The following RYR1 variants were observed in gnomAD, a reference collection of about 807,000 sequenced individuals.
RYR1 encodes ryanodine receptor 1.
Under a neutral mutation model 583.5 loss-of-function variants are expected in RYR1, and 342 were observed. That is an observed-to-expected ratio of 0.59 (90% CI 0.54 to 0.64). The LOEUF (loss-of-function observed/expected upper bound fraction) is 0.64, where lower values mean the gene tolerates loss of function less well. Among genes scored for constraint, RYR1 ranks in the 30% least tolerant of loss-of-function variants. The pLI, the probability that RYR1 is intolerant of heterozygous loss-of-function variation, is 0.00. For synonymous variants in RYR1, 2,791 were observed against 2,822.5 expected, an observed-to-expected ratio of 0.99 and a Z score of 0.35; for missense variants, 6,032 against 6,917.2, an observed-to-expected ratio of 0.87 and a Z score of 4.54.
intron 16 of RYR1, 31 bp downstream of exon 16, chr19:38,455,782 C>T: frequency 7.5e-7 from 1 of 1,338,294 alleles, no homozygotes; most frequent in South Asian, 1.2e-5. Flanking sequence ...CTCTCATCCC[C>T]TGAACTCTGA....
chr19:38,475,297 C>A (rs182909318), intron 28 of RYR1, 21 bp from the exon 29 acceptor site: 1 of 1,559,618 alleles, frequency 6.4e-7, no homozygotes, highest in African/African-American at 1.4e-5. Context: ...GCTCTCATGG[C>A]GCCTCTCCTC....
chr19:38,506,451 GAC>G lies in RYR1; in HGVS notation c.8617-19_8617-18del. 1 of 1,614,054 alleles carries G rather than the reference GAC, an allele frequency of 6.2e-7. No homozygotes were observed. The highest frequency in any genetic ancestry group is 8.5e-7 in the Non-Finnish European group (1 of 1,179,972). ...CTGGCATCCTCTGAATCTAGCCCTT[GAC>G]TCTGCATCCACTCCCAGGCCATGGC... On this transcript the variant is annotated intron_variant, in intron 55 of 105. Transcript: ENST00000359596.
rs1161515100 is a variant in RYR1 at position 38,486,068 on chromosome 19, G to A, written c.5413G>A (p.Glu1805Lys). The A allele has an allele frequency of 6.2e-7, 1 of 1,612,514 alleles. No individual in the cohort carries two copies. The highest frequency in any genetic ancestry group is 8.5e-7 in the Non-Finnish European group (1 of 1,179,378). The change falls in exon 34 of 106, where the codon GAG becomes AAG. Residue 1805 changes from glutamate (E) to lysine (K), a missense_variant. Coordinates refer to ENST00000359596, the MANE Select transcript of RYR1 (RefSeq NM_000540.3). Reference sequence around the variant, plus strand: ...CCGCCTCAGCCCTGCCATCCCGCTGGAGGCCCTGCGGGACAAGGCACTGAG... The same window carrying A: ...CCGCCTCAGCCCTGCCATCCCGCTGAAGGCCCTGCGGGACAAGGCACTGAG... ...PARLSPAIPL[E>K]ALRDKALRML... is the part of the protein sequence containing the mutation.
At chr19:38,503,697 TGGGAG>T (rs1179678418) in intron 49 of RYR1, among the ~76,000 whole-genome samples, 1 of 150,482 alleles carries the variant, frequency 6.6e-6, no homozygotes, top group Admixed American at 6.7e-5. Flanking sequence ...TTCTTGAACC[TGGGAG>T]GCGGAGGTTG....
chr19:38,468,783 T>C (rs993734430), intron 25 of RYR1, among the ~76,000 whole-genome samples, 183 bp from the exon 26 acceptor site: 5 of 152,192 alleles, frequency 3.3e-5, no homozygotes, highest in African/African-American at 1.2e-4. Context: ...AAAATTCCTG[T>C]GATCATGGAT....
At position 38,512,902 on chromosome 19, in the gene RYR1, A is replaced by G. The variant is rs527761286; in HGVS notation, c.9472+419A>G. 4.9e-4 allele frequency among the ~76,000 whole-genome samples: 74 copies of G among 152,254 alleles called. No homozygotes were observed. Among genetic ancestry groups the G allele is most frequent in the African/African-American group, 1.7e-3 (70 of 41,586 alleles). On this transcript the variant is annotated intron_variant, in intron 63 of 105. Coordinates refer to ENST00000359596, the MANE Select transcript of RYR1 (RefSeq NM_000540.3). This position sits in a 1 kb window ranked among gnomAD's most constrained non-coding sequence, Gnocchi z 5.1. ...GACAAGGGAGGATCACTTGAGTCCA[A>G]GAGTTGGAGGCTGCAATGAGCTATG...
At chr19:38,434,593 A>C (rs1972342377) in intron 1 of RYR1, among the ~76,000 whole-genome samples, 1 of 152,088 alleles carries the variant, frequency 6.6e-6, no homozygotes. Context: ...TACTCCCTGC[A>C]TCTGAGCCCC....
chr19:38,523,531 C>G, intron 69 of RYR1: 4 of 619,908 alleles, frequency 6.5e-6, no homozygotes, highest in Non-Finnish European at 1.2e-5. Flanking sequence ...CTCCATCTCC[C>G]TCTTCTCTCA....
intron 48 of RYR1, 24 bp downstream of exon 48, chr19:38,502,751 T>TGGGGCAGAGGCA (rs1970203138): frequency 2.7e-5 from 28 of 1,046,170 alleles, no homozygotes; most frequent in South Asian, 1.9e-4. Flanking sequence ...GGCTTCAGGG[T>TGGGGCAGAGGCA]GGGGCAGGGG....
intron 1 of RYR1, among the ~76,000 whole-genome samples, chr19:38,434,841 C>G (rs1342002390): frequency 6.6e-6 from 1 of 152,160 alleles, no homozygotes; most frequent in Non-Finnish European, 1.5e-5. Context: ...CCCCTCCCCC[C>G]GGGGCCCTGG....
rs1279071032 is a variant in RYR1, at chr19:38,499,753, G to A, written c.7146G>A (p.Glu2382=). Reference sequence around the variant, plus strand: ...CAGGGCTGCTGGCTGCCATCGAAGAGGCCATCCGCATCTCCGAGGACCCTG... The same window carrying A: ...CAGGGCTGCTGGCTGCCATCGAAGAAGCCATCCGCATCTCCGAGGACCCTG... The part of the protein sequence containing the change: ...GGSGLLAAIE[E]AIRISEDPAR... The change falls in exon 44 of 106, where the codon GAG becomes GAA. Residue 2382 remains glutamate (E), a synonymous_variant. Transcript: ENST00000359596. This position sits in a 1 kb window ranked among gnomAD's most constrained non-coding sequence, Gnocchi z 7.3. 3.1e-6 allele frequency: 5 copies of A among 1,602,016 alleles called. No individual in the cohort carries two copies. The African/African-American group carries it at 6.7e-5, about 21-fold the overall frequency.
chr19:38,537,062 AG>A, intron 83 of RYR1: 1 of 542,460 alleles, frequency 1.8e-6, no homozygotes, highest in Non-Finnish European at 3.3e-6. Context: ...ATCTCTTTCC[AG>A]CTGGATATTG....
intron 48 of RYR1, 33 bp downstream of exon 48, chr19:38,502,760 GGCAGGGGC>G: frequency 4.9e-6 from 3 of 615,848 alleles, no homozygotes; most frequent in Non-Finnish European, 7.6e-6. Flanking sequence ...GTGGGGCAGG[GGCAGGGGC>G]AGGGGCAGGG....
chr19:38,521,943 C>G (rs190306333), intron 67 of RYR1, among the ~76,000 whole-genome samples: 1 of 151,772 alleles, frequency 6.6e-6, no homozygotes, highest in Non-Finnish European at 1.5e-5. Flanking sequence ...CTCCTGACCT[C>G]GTGATCTGCC....
chr19:38,512,942 C>T lies in RYR1; in HGVS notation c.9472+459C>T, dbSNP rs1009898282. On this transcript the variant is annotated intron_variant, in intron 63 of 105. Coordinates refer to ENST00000359596, the MANE Select transcript of RYR1 (RefSeq NM_000540.3). This position sits in a 1 kb window ranked among gnomAD's most constrained non-coding sequence, Gnocchi z 5.1. ...AATGAGCTATGATCATACCACTGCA[C>T]TCCAGCCTGGACAACAGAGCAAAAT... Among the ~76,000 whole-genome samples the T allele has an allele frequency of 6.6e-6, 1 of 152,192 alleles. No homozygotes were observed. Among genetic ancestry groups the T allele is most frequent in the African/African-American group, 2.4e-5 (1 of 41,440 alleles).
rs557050393 is a variant in RYR1 at position 38,510,616 on chromosome 19, C to T, written c.9001-44C>T. 4 of 1,614,068 alleles carry T rather than the reference C, an allele frequency of 2.5e-6. No homozygotes were observed. In the South Asian group the frequency reaches 4.4e-5, roughly 18 times the overall value. ...GGGCGCTGGGGACTCATAGGCTCTCCCCACCCCTCATTGGACCCTTTATCT... is the reference window on the plus strand; with the variant it reads ...GGGCGCTGGGGACTCATAGGCTCTCTCCACCCCTCATTGGACCCTTTATCT... On this transcript the variant is annotated intron_variant, in intron 59 of 105. Coordinates refer to ENST00000359596, the MANE Select transcript of RYR1 (RefSeq NM_000540.3).
At chr19:38,549,681 G>T (rs1165194669) in intron 89 of RYR1, among the ~76,000 whole-genome samples, 1 of 140,388 alleles carries the variant, frequency 7.1e-6, no homozygotes, top group African/African-American at 2.6e-5. Flanking sequence ...ACTCCATCAT[G>T]ATTTCCCTTT....
chr19:38,502,921 T>G lies in RYR1; in HGVS notation c.7877T>G (p.Leu2626Arg), dbSNP rs748832085. Reference protein sequence around the residue: ...PSMLQHLLRRLVFDVPILNEF... With the variant: ...PSMLQHLLRRRVFDVPILNEF... ...ATGCTGCAGCACCTGTTGCGCCGCC[T>G]GGTGTTCGACGTGCCCATCCTCAAC... The change falls in exon 49 of 106, where the codon CTG becomes CGG. Residue 2626 changes from leucine to arginine, a missense_variant. Around this residue, in one of 11 missense-constraint regions of RYR1, gnomAD observed 250 missense variants for 162.3 expected, o/e 1.54. Transcript: ENST00000359596. The G allele has an allele frequency of 1.2e-6, 2 of 1,611,744 alleles. No homozygotes were observed. Among genetic ancestry groups the G allele is most frequent in the Non-Finnish European group, 1.7e-6 (2 of 1,179,986 alleles).
intron 16 of RYR1, 36 bp downstream of exon 16, chr19:38,455,787 C>T: frequency 7.7e-7 from 1 of 1,293,880 alleles, no homozygotes; most frequent in South Asian, 1.2e-5. Flanking sequence ...ATCCCCTGAA[C>T]TCTGAATGCT....
Sources: gnomAD v4.1 joint callset for allele counts (sites outside exome capture counted in the v4.1 genomes callset) on GRCh38, gnomAD v4.1.1 for gene constraint, gnomAD v4.1.1 regional missense constraint, Gnocchi (gnomAD v3.1) non-coding constraint, MANE v1.5 for transcripts, NCBI Gene and HGNC (gene_info 2026-07-23, HGNC 2026-07-21) for gene names.